CSMD3: variants seen among roughly 807,000 people sequenced by gnomAD.
The protein encoded by CSMD3 is CUB and Sushi multiple domains 3, also known as CUB and sushi domain-containing protein 3.
Under a neutral mutation model 435.2 loss-of-function variants are expected in CSMD3, and 177 were observed. That is an observed-to-expected ratio of 0.41 (90% CI 0.36 to 0.46). CSMD3 has a LOEUF of 0.46. Among genes scored for constraint, CSMD3 ranks in the 20% least tolerant of loss-of-function variants. The pLI is 0.34. For missense variants in CSMD3, 4,265 were observed against 4,504.6 expected (o/e 0.95, Z 1.52); for synonymous variants, 1,656 against 1,520.5 (o/e 1.09, Z -2.07).
intron 3 of CSMD3, among the ~76,000 whole-genome samples, chr8:113,217,877 T>C (rs1398212417): frequency 6.7e-6 from 1 of 149,928 alleles, no homozygotes; most frequent in Non-Finnish European, 1.5e-5. Context: ...AAACCTCCAA[T>C]AGGATGAAAA....
At chr8:113,382,131 A>C (rs2094418689) in intron 1 of CSMD3, among the ~76,000 whole-genome samples, 1 of 152,114 alleles carries the variant, frequency 6.6e-6, no homozygotes, top group Non-Finnish European at 1.5e-5. Context: ...TAGATGTGGA[A>C]TTGTTTTTAC....
chr8:113,177,784 A>G (rs150355370), intron 3 of CSMD3, among the ~76,000 whole-genome samples: 65 of 152,122 alleles, frequency 4.3e-4, no homozygotes, highest in Non-Finnish European at 8.1e-4. Context: ...TTGGCTGGAA[A>G]TATGTATATT....
intron 1 of CSMD3, chr8:113,376,728 G>C: frequency 6.2e-7 from 1 of 1,613,892 alleles, no homozygotes; most frequent in South Asian, 1.1e-5. Flanking sequence ...CTAAGAGCCA[G>C]GATATCTACC....
chr8:112,886,465 C>T (rs1047271619), intron 10 of CSMD3, among the ~76,000 whole-genome samples: 6 of 151,256 alleles, frequency 4.0e-5, no homozygotes, highest in Non-Finnish European at 7.4e-5. Flanking sequence ...GAATTCTTTA[C>T]TTTCAAGCAA....
At chr8:113,019,210 T>A (rs1564214875) in intron 5 of CSMD3, 31 bp from the exon 6 acceptor site, 1 of 1,446,396 alleles carries the variant, frequency 6.9e-7, no homozygotes, top group Non-Finnish European at 9.7e-7. Flanking sequence ...ACAAAAAAAT[T>A]TAAAAAGCTT....
intron 6 of CSMD3, among the ~76,000 whole-genome samples, chr8:112,995,370 A>G (rs2085611625): frequency 6.6e-6 from 1 of 151,494 alleles, no homozygotes; most frequent in South Asian, 2.1e-4. Flanking sequence ...AAAGGAGAAT[A>G]TATGGAGTTG....
At chr8:112,884,753 T>G (rs1225775284) in intron 10 of CSMD3, among the ~76,000 whole-genome samples, 1 of 151,726 alleles carries the variant, frequency 6.6e-6, no homozygotes, top group Non-Finnish European at 1.5e-5. Flanking sequence ...TACCAAAAAG[T>G]TTGGGTAAAA....
At chr8:112,699,913 A>G (rs935881410) in intron 13 of CSMD3, among the ~76,000 whole-genome samples, 2 of 152,128 alleles carry the variant, frequency 1.3e-5, no homozygotes, top group Non-Finnish European at 2.9e-5. Flanking sequence ...CAACAATGCA[A>G]TGCAGGTTCT....
intron 1 of CSMD3, among the ~76,000 whole-genome samples, chr8:113,399,980 C>G (rs1012022833): frequency 1.3e-5 from 2 of 151,054 alleles, no homozygotes; most frequent in Non-Finnish European, 3.0e-5. Flanking sequence ...ATATATATCA[C>G]TTTTGGTTAG....
At chr8:113,302,749 T>A (rs970715325) in intron 2 of CSMD3, among the ~76,000 whole-genome samples, 1 of 146,900 alleles carries the variant, frequency 6.8e-6, no homozygotes, top group African/African-American at 2.5e-5. Context: ...TAGGTATTGA[T>A]GGGACGTATT....
At chr8:112,837,593 A>G (rs1045503463) in intron 11 of CSMD3, among the ~76,000 whole-genome samples, 3 of 151,844 alleles carry the variant, frequency 2.0e-5, no homozygotes, top group Admixed American at 6.6e-5. Flanking sequence ...GATATATAGT[A>G]GGACCTCATA....
At chr8:113,000,999 T>C (rs2085841614) in intron 6 of CSMD3, among the ~76,000 whole-genome samples, 1 of 152,004 alleles carries the variant, frequency 6.6e-6, no homozygotes, top group Non-Finnish European at 1.5e-5. Context: ...AATCAGAAAT[T>C]TCAGAATTGC....
intron 50 of CSMD3, chr8:112,310,114 CATT>C (rs2130807378): frequency 6.6e-6 from 1 of 152,290 alleles, no homozygotes; most frequent in Non-Finnish European, 1.5e-5. Context: ...AGTCCAATGA[CATT>C]AGCTTTTCTG....
At chr8:112,440,186 C>T (rs962518604) in intron 32 of CSMD3, among the ~76,000 whole-genome samples, 3 of 152,128 alleles carry the variant, frequency 2.0e-5, no homozygotes, top group Admixed American at 6.5e-5. Context: ...GTATCAGTTC[C>T]AAATGGGAGA....
chr8:112,700,256 T>A (rs2131872552), intron 13 of CSMD3, among the ~76,000 whole-genome samples: 1 of 152,056 alleles, frequency 6.6e-6, no homozygotes, highest in Admixed American at 6.6e-5. Flanking sequence ...ATCCCAGCAC[T>A]TTGGGAGGCC....
chr8:113,327,697 C>A (rs1167745495), intron 1 of CSMD3, among the ~76,000 whole-genome samples: 1 of 151,914 alleles, frequency 6.6e-6, no homozygotes, highest in East Asian at 1.9e-4. Context: ...ACTCAATTTG[C>A]ACATGTTGCT....
intron 7 of CSMD3, among the ~76,000 whole-genome samples, chr8:112,975,013 A>T (rs1031081080): frequency 1.3e-5 from 2 of 151,856 alleles, no homozygotes; most frequent in African/African-American, 4.8e-5. Flanking sequence ...TATCGATATA[A>T]ATAAAGACCT....
intron 16 of CSMD3, among the ~76,000 whole-genome samples, chr8:112,681,690 A>G (rs2131780054): frequency 6.6e-6 from 1 of 152,056 alleles, no homozygotes. Flanking sequence ...ACATGGAAAA[A>G]CCGTGTCTCT....
intron 63 of CSMD3, among the ~76,000 whole-genome samples, chr8:112,250,906 T>TATGTTC (rs1248318977): frequency 1.7e-4 from 26 of 151,848 alleles, no homozygotes; most frequent in Non-Finnish European, 3.5e-4. Context: ...AAACATCACT[T>TATGTTC]ATGTTCTTTA....
Sources: gnomAD v4.1 joint callset for allele counts (sites outside exome capture counted in the v4.1 genomes callset) on GRCh38, gnomAD v4.1.1 for gene constraint, MANE v1.5 for transcripts, NCBI Gene and HGNC (gene_info 2026-07-23, HGNC 2026-07-21) for gene names.